Variants in SLC14A2 observed in about 807,000 individuals in gnomAD.
SLC14A2 encodes the protein urea transporter 2.
Under a neutral mutation model 104.6 loss-of-function variants are expected in SLC14A2, and 91 were observed. That is an observed-to-expected ratio of 0.87 (90% CI 0.73 to 1.04). The LOEUF (loss-of-function observed/expected upper bound fraction) is 1.04, where lower values mean the gene tolerates loss of function less well. SLC14A2 is among the 50% of genes least tolerant of loss of function. The pLI, the probability that SLC14A2 is intolerant of heterozygous loss-of-function variation, is 0.00. For missense variants in SLC14A2, 1,189 were observed against 1,156.0 expected (o/e 1.03, Z -0.41); for synonymous variants, 476 against 466.4 (o/e 1.02, Z -0.27).
chr18:45,182,334 A>G, the SLC14A2 span, among the ~76,000 whole-genome samples: 1 of 152,006 alleles, frequency 6.6e-6, no homozygotes, highest in Non-Finnish European at 1.5e-5. Flanking sequence ...AATACTGTAT[A>G]AAATGCTATA....
intron 2 of SLC14A2, among the ~76,000 whole-genome samples, chr18:45,601,397 T>C (rs1396464584): frequency 6.6e-6 from 1 of 152,220 alleles, no homozygotes; most frequent in East Asian, 1.9e-4. Context: ...TTCCTAGTCA[T>C]TTCCCCACCC....
intron 2 of SLC14A2, among the ~76,000 whole-genome samples, chr18:45,531,364 G>C (rs1204417777): frequency 6.6e-6 from 1 of 152,110 alleles, no homozygotes; most frequent in African/African-American, 2.4e-5. Context: ...AGCACCTGTT[G>C]TTTCCTGACT....
chr18:45,320,021 C>T (rs1172267848), intron 1 of SLC14A2, among the ~76,000 whole-genome samples: 14 of 152,168 alleles, frequency 9.2e-5, no homozygotes, highest in Admixed American at 4.6e-4. Flanking sequence ...TCTTCCCAGG[C>T]GTTGGGAGAC....
At chr18:45,648,276 G>A (rs2144578246) in intron 10 of SLC14A2, among the ~76,000 whole-genome samples, 1 of 145,200 alleles carries the variant, frequency 6.9e-6, no homozygotes, top group East Asian at 2.1e-4. Context: ...CACCATCTGG[G>A]CTCACTGCAA....
chr18:45,169,089 G>C, the SLC14A2 span: 1 of 152,064 alleles, frequency 6.6e-6, no homozygotes, highest in Non-Finnish European at 1.5e-5. Flanking sequence ...TTGAGAGTTT[G>C]ACTCACTGAG....
At chr18:45,339,307 A>T (rs1216365662) in intron 1 of SLC14A2, among the ~76,000 whole-genome samples, 1 of 152,188 alleles carries the variant, frequency 6.6e-6, no homozygotes, top group Non-Finnish European at 1.5e-5. Flanking sequence ...CCTGTACAAC[A>T]CTGCAAGCCA....
At chr18:45,525,362 G>C (rs749448294) in intron 2 of SLC14A2, among the ~76,000 whole-genome samples, 20 of 152,220 alleles carry the variant, frequency 1.3e-4, no homozygotes, top group Admixed American at 2.6e-4. Context: ...GAAAGGTTGA[G>C]TGGATTAGGC....
intron 1 of SLC14A2, among the ~76,000 whole-genome samples, chr18:45,257,954 A>C (rs745767870): frequency 4.6e-5 from 7 of 152,202 alleles, no homozygotes; most frequent in Non-Finnish European, 7.3e-5. Context: ...CTCCCAAATG[A>C]AGCACTTTGG....
intron 10 of SLC14A2, among the ~76,000 whole-genome samples, chr18:45,662,500 T>C (rs1264253860): frequency 6.6e-6 from 1 of 152,162 alleles, no homozygotes; most frequent in East Asian, 1.9e-4. Flanking sequence ...TCAAATTCAG[T>C]AGTTCTGGGG....
intron 1 of SLC14A2, among the ~76,000 whole-genome samples, chr18:45,445,850 C>T (rs570943975): frequency 1.3e-5 from 2 of 152,250 alleles, no homozygotes; most frequent in South Asian, 4.1e-4. Context: ...TTAGAATTCT[C>T]TTTGAGCTAA....
rs1490349502 is a variant in SLC14A2 at position 45,644,179 on chromosome 18, G to C, written c.1351+19G>C. The C allele has an allele frequency of 1.9e-6, 3 of 1,613,038 alleles. No homozygotes were observed. ...CCCAGCGGTGAATAGCCATGTTCGGGGAAGAAACGCTCTTTGCCTGACCTG... is the reference window on the plus strand; with the variant it reads ...CCCAGCGGTGAATAGCCATGTTCGGCGAAGAAACGCTCTTTGCCTGACCTG... On this transcript the variant is annotated intron_variant, in intron 10 of 19. Coordinates refer to ENST00000255226, the MANE Select transcript of SLC14A2 (RefSeq NM_007163.4).
intron 2 of SLC14A2, among the ~76,000 whole-genome samples, chr18:45,498,338 A>G (rs2043135798): frequency 6.6e-6 from 1 of 152,224 alleles, no homozygotes; most frequent in African/African-American, 2.4e-5. Flanking sequence ...GAGCTCAAGG[A>G]GAAGCACCTG....
chr18:45,438,407 G>A (rs2086630526), intron 1 of SLC14A2: 1 of 151,956 alleles, frequency 6.6e-6, no homozygotes, highest in Non-Finnish European at 1.5e-5. Flanking sequence ...CCTGTTATCT[G>A]TATCTACACA....
intron 1 of SLC14A2, among the ~76,000 whole-genome samples, chr18:45,330,147 A>G (rs7242259): frequency 0.045 from 6,898 of 152,266 alleles, 456 homozygotes; most frequent in African/African-American, 0.14. Flanking sequence ...CTTTGGGTGT[A>G]AGCTGAGACC....
intron 2 of SLC14A2, among the ~76,000 whole-genome samples, chr18:45,599,157 G>A (rs527251362): frequency 1.4e-4 from 22 of 152,252 alleles, no homozygotes; most frequent in South Asian, 4.1e-4. Context: ...ATAATGTAGC[G>A]TTTATATCTC....
At chr18:45,295,739 G>A (rs1345600859) in intron 1 of SLC14A2, among the ~76,000 whole-genome samples, 4 of 152,078 alleles carry the variant, frequency 2.6e-5, no homozygotes, top group Admixed American at 2.0e-4. Flanking sequence ...AATCACATTG[G>A]CTATGGGAAC....
In SLC14A2 at chr18:45,672,986, C is replaced by T; in HGVS notation, c.2316C>T (p.Phe772=). The change falls in exon 17 of 20, where the codon TTC becomes TTT. Residue 772 remains phenylalanine (F), a synonymous_variant. Coordinates refer to ENST00000255226, the MANE Select transcript of SLC14A2 (RefSeq NM_007163.4). ...GAGGCATCTTCCTCATAGCTCTGTTCATATCCTCACCTCTCATTTGCTTGC... is the reference window on the plus strand; with the variant it reads ...GAGGCATCTTCCTCATAGCTCTGTTTATATCCTCACCTCTCATTTGCTTGC... ...WTGGIFLIAL[F]ISSPLICLHA... 1 of 1,614,144 alleles carries T rather than the reference C, an allele frequency of 6.2e-7. No individual in the cohort carries two copies. Among genetic ancestry groups the T allele is most frequent in the South Asian group, 1.1e-5 (1 of 91,086 alleles).
At chr18:45,236,412 C>T (rs1463288359) in intron 1 of SLC14A2, among the ~76,000 whole-genome samples, 133 of 6,592 alleles carry the variant, frequency 0.02, no homozygotes, top group Non-Finnish European at 0.024. Context: ...TGTATATATA[C>T]ATGTATGTGT....
At chr18:45,556,914 T>A (rs2044140144) in intron 2 of SLC14A2, among the ~76,000 whole-genome samples, 2 of 152,124 alleles carry the variant, frequency 1.3e-5, no homozygotes, top group African/African-American at 4.8e-5. Context: ...ATATAAGAAA[T>A]CTTTAGAATA....
Sources: allele counts gnomAD v4.1 joint callset (sites outside exome capture counted in the v4.1 genomes callset), GRCh38; gene constraint gnomAD v4.1.1; transcripts MANE v1.5; gene names NCBI Gene and HGNC (gene_info 2026-07-23, HGNC 2026-07-21).